The following SSBP2 variants were observed in gnomAD, a reference collection of about 807,000 sequenced individuals.
The protein encoded by SSBP2 is single stranded DNA binding protein 2.
A neutral mutation model predicts 61.8 loss-of-function variants in SSBP2; 17 were observed. The ratio of observed to expected loss-of-function variants is 0.28; its 90% CI spans 0.19 to 0.41. The LOEUF is 0.41. SSBP2 is among the 10% of genes least tolerant of loss of function. The pLI is 1.00. For synonymous variants in SSBP2, 139 were observed against 141.3 expected (o/e 0.98, Z 0.12); for missense variants, 310 against 458.7 (o/e 0.68, Z 2.96).
Position 81,613,421 on chromosome 5 carries a change from T to C in SSBP2, c.282+2052A>G, listed in dbSNP as rs183296273. Among the ~76,000 whole-genome samples the C allele has an allele frequency of 3.3e-5, 5 of 152,302 alleles. No homozygotes were observed. In the East Asian group the frequency reaches 9.7e-4, roughly 29 times the overall value. On this transcript the variant is annotated intron_variant, in intron 4 of 16. Coordinates refer to ENST00000320672, the MANE Select transcript of SSBP2 (RefSeq NM_012446.5). ...TCTAAAGCTAATAAGTGTGAATACT[T>C]TGAAATTTTCAAAGTGTCTTATGAA...
At chr5:81,475,850 T>TA (rs1281544845) in intron 6 of SSBP2, among the ~76,000 whole-genome samples, 5 of 152,118 alleles carry the variant, frequency 3.3e-5, no homozygotes, top group Admixed American at 1.3e-4. Context: ...TATGTATACA[T>TA]ATGCAAGTTA....
chr5:81,496,921 C>T (rs1405276179), intron 5 of SSBP2, among the ~76,000 whole-genome samples: 4 of 152,160 alleles, frequency 2.6e-5, no homozygotes, highest in Admixed American at 1.3e-4. Flanking sequence ...TTTGATGTGG[C>T]ACTTTCTCTC....
intron 2 of SSBP2, among the ~76,000 whole-genome samples, chr5:81,647,495 C>A (rs748473845): frequency 6.6e-6 from 1 of 151,940 alleles, no homozygotes; most frequent in East Asian, 1.9e-4. Context: ...ATTAATTTAG[C>A]CATTCCCCTA....
At position 81,438,636 on chromosome 5, in the gene SSBP2, T is replaced by C. The variant is rs560561342; in HGVS notation, c.929-1178A>G. Among the ~76,000 whole-genome samples the C allele has an allele frequency of 1.6e-3, 241 of 152,264 alleles. 1 individual carries two copies. The highest frequency in any genetic ancestry group is 5.6e-3 in the African/African-American group (231 of 41,558). ...TATATAATATGTACAGTAATGTTCA[T>C]TATAGAAAGCAATGAGCCAGTTGCC... is the stretch of plus-strand genomic sequence containing the variant. On this transcript the variant is annotated intron_variant, in intron 14 of 16. Coordinates refer to ENST00000320672, the MANE Select transcript of SSBP2 (RefSeq NM_012446.5).
chr5:81,556,593 C>T (rs1266566224), intron 4 of SSBP2, among the ~76,000 whole-genome samples: 1 of 152,070 alleles, frequency 6.6e-6, no homozygotes, highest in East Asian at 1.9e-4. Context: ...GGTCTTTCTC[C>T]TCCTAGGGTC....
At chr5:81,639,835 G>T (rs552053132) in intron 2 of SSBP2, among the ~76,000 whole-genome samples, 2 of 152,006 alleles carry the variant, frequency 1.3e-5, no homozygotes, top group Admixed American at 1.3e-4. Flanking sequence ...TATCCCAAAA[G>T]GACTTTTTAA....
At chr5:81,463,561 G>A (rs756186672) in intron 9 of SSBP2, among the ~76,000 whole-genome samples, 1 of 152,010 alleles carries the variant, frequency 6.6e-6, no homozygotes, top group Non-Finnish European at 1.5e-5. Context: ...TTAGCCGGGC[G>A]TGGTGGCGCA....
chr5:81,584,555 A>G (rs542998545), intron 4 of SSBP2, among the ~76,000 whole-genome samples: 1 of 152,288 alleles, frequency 6.6e-6, no homozygotes, highest in African/African-American at 2.4e-5. Flanking sequence ...GTTCAGTGGT[A>G]TGCTAGAGGA....
At chr5:81,585,237 G>A (rs1296726460) in intron 4 of SSBP2, among the ~76,000 whole-genome samples, 2 of 151,750 alleles carry the variant, frequency 1.3e-5, no homozygotes, top group African/African-American at 4.8e-5. Context: ...CTGTCTCTCT[G>A]GCATATCCTT....
intron 1 of SSBP2, among the ~76,000 whole-genome samples, chr5:81,736,731 A>G (rs1474107202): frequency 6.6e-6 from 1 of 152,224 alleles, no homozygotes; most frequent in Non-Finnish European, 1.5e-5. Flanking sequence ...TGTGCTCTGT[A>G]AATAGGGCCT....
At chr5:81,452,518 TGA>T (rs1288021112) in intron 10 of SSBP2, among the ~76,000 whole-genome samples, 1 of 152,146 alleles carries the variant, frequency 6.6e-6, no homozygotes, top group East Asian at 1.9e-4. Context: ...TGGCAAGAGA[TGA>T]TAAAGAGTGA....
At chr5:81,589,873 G>C (rs1305566419) in intron 4 of SSBP2, among the ~76,000 whole-genome samples, 1 of 151,950 alleles carries the variant, frequency 6.6e-6, no homozygotes, top group African/African-American at 2.4e-5. Flanking sequence ...GGGTGAGAGA[G>C]GGAGAGAGAG....
At chr5:81,722,729 T>C (rs1026016667) in intron 1 of SSBP2, among the ~76,000 whole-genome samples, 2 of 151,966 alleles carry the variant, frequency 1.3e-5, no homozygotes, top group Non-Finnish European at 2.9e-5. Context: ...TACACCAGTG[T>C]AAATGAAGGG....
rs147673727 is a variant in SSBP2 at position 81,748,947 on chromosome 5, A to G, written c.62+2034T>C. Among the ~76,000 whole-genome samples, 364 of 152,290 alleles carry G rather than the reference A, an allele frequency of 2.4e-3. 1 individual carries two copies. The highest frequency in any genetic ancestry group is 0.014 in the Middle Eastern group (4 of 294). On this transcript the variant is annotated intron_variant, in intron 1 of 16. Coordinates refer to ENST00000320672, the MANE Select transcript of SSBP2 (RefSeq NM_012446.5). Reference sequence around the variant, plus strand: ...TCAGGATACTGAGTGGGATTCAACTAAAGTTCACCCCTTCCTGGAAGTTCA... The same window carrying G: ...TCAGGATACTGAGTGGGATTCAACTGAAGTTCACCCCTTCCTGGAAGTTCA...
chr5:81,588,698 C>T (rs998220253), intron 4 of SSBP2, among the ~76,000 whole-genome samples: 3 of 152,138 alleles, frequency 2.0e-5, no homozygotes, highest in African/African-American at 7.2e-5. Flanking sequence ...TCTCATGAAA[C>T]AGCTATAGAG....
intron 10 of SSBP2, among the ~76,000 whole-genome samples, chr5:81,458,460 T>C (rs1189761301): frequency 6.6e-6 from 1 of 152,194 alleles, no homozygotes; most frequent in Admixed American, 6.5e-5. Flanking sequence ...TGGTAAGACA[T>C]TAACAATTGG....
chr5:81,613,567 G>C (rs997143897), intron 4 of SSBP2, among the ~76,000 whole-genome samples: 6 of 152,062 alleles, frequency 3.9e-5, no homozygotes, highest in Non-Finnish European at 7.4e-5. Flanking sequence ...TGAACAGTAG[G>C]GTACATCTTT....
intron 10 of SSBP2, among the ~76,000 whole-genome samples, chr5:81,459,234 C>T (rs1159640165): frequency 6.6e-6 from 1 of 152,140 alleles, no homozygotes; most frequent in Non-Finnish European, 1.5e-5. Context: ...GATGGAGTAC[C>T]TAAAAAACTA....
chr5:81,466,523 T>C (rs2154009148), intron 9 of SSBP2, among the ~76,000 whole-genome samples: 1 of 152,064 alleles, frequency 6.6e-6, no homozygotes, highest in South Asian at 2.1e-4. Flanking sequence ...TATGTATTTA[T>C]GAGTTAAAAA....
Sources: allele counts gnomAD v4.1 joint callset (sites outside exome capture counted in the v4.1 genomes callset), GRCh38; gene constraint gnomAD v4.1.1; transcripts MANE v1.5; gene names NCBI Gene and HGNC (gene_info 2026-07-23, HGNC 2026-07-21).